The following PDZD2 variants were observed in gnomAD, a reference collection of about 807,000 sequenced individuals.
PDZD2 encodes PDZ domain-containing protein 2.
PDZD2 carries 90 observed loss-of-function variants against 220.7 expected under a neutral mutation model. That is an observed-to-expected ratio of 0.41 (90% CI 0.34 to 0.49). The LOEUF (loss-of-function observed/expected upper bound fraction) is 0.49. Ranked by LOEUF, PDZD2 falls within the 20% of genes least tolerant of loss-of-function variation. The pLI is 0.28. For synonymous variants in PDZD2, 1,375 were observed against 1,450.5 expected (o/e 0.95, Z 1.18); for missense variants, 3,174 against 3,608.5 (o/e 0.88, Z 3.08).
At chr5:31,896,341 T>TGC (rs1301574274) in intron 2 of PDZD2, among the ~76,000 whole-genome samples, 2 of 150,412 alleles carry the variant, frequency 1.3e-5, no homozygotes, top group Admixed American at 1.3e-4. Flanking sequence ...TGTGTGTGTG[T>TGC]GTGTGTGTGT....
chr5:31,787,520 A>G (rs745358499), intron 1 of PDZD2: 1 of 152,198 alleles, frequency 6.6e-6, no homozygotes. Context: ...CCATTTTTAT[A>G]TGGACAGATA....
chr5:32,038,322 G>C (rs1188431648), intron 7 of PDZD2, among the ~76,000 whole-genome samples: 1 of 150,744 alleles, frequency 6.6e-6, no homozygotes, highest in Non-Finnish European at 1.5e-5. Context: ...GAGGTCAGGA[G>C]ATCAAGGCTA....
chr5:32,105,479 C>A (rs185483306), intron 24 of PDZD2, among the ~76,000 whole-genome samples: 112 of 151,980 alleles, frequency 7.4e-4, no homozygotes, highest in Admixed American at 2.9e-3. Flanking sequence ...GCAGTGCTTA[C>A]GAAAATGGAA....
rs546371784 is a variant in PDZD2, at chr5:31,919,737, GCACAGTGGCTCA to G, written c.477-63414_477-63403del. 3.5e-3 allele frequency among the ~76,000 whole-genome samples: 497 copies of G among 141,954 alleles called. 1 individual carries two copies. Among genetic ancestry groups the G allele is most frequent in the African/African-American group, 0.013 (488 of 38,520 alleles). 93.1% of individuals were successfully genotyped at this position (141,954 alleles called of 152,430 possible). ...AAAAAAGGAAAAAAAAAAAGGCCAG[GCACAGTGGCTCA>G]CACCTGTAATCCGGGTTATCGGGGA... On this transcript the variant is annotated intron_variant, in intron 2 of 24. Coordinates refer to ENST00000438447, the MANE Select transcript of PDZD2 (RefSeq NM_178140.4).
chr5:31,969,855 C>T lies in PDZD2; in HGVS notation c.477-13300C>T, dbSNP rs543752930. Among the ~76,000 whole-genome samples the T allele has an allele frequency of 1.7e-3, 262 of 152,174 alleles. 1 individual carries two copies. The highest frequency in any genetic ancestry group is 2.5e-3 in the Non-Finnish European group (170 of 68,012). On this transcript the variant is annotated intron_variant, in intron 2 of 24. Transcript: ENST00000438447. ...CCAGCATTTTTTTGTGGTGCCGCCA[C>T]TGTGCTGGTGCATGAGGGTGCACAG...
intron 1 of PDZD2, among the ~76,000 whole-genome samples, chr5:31,649,544 G>C (rs751695792): frequency 1.3e-5 from 2 of 151,872 alleles, no homozygotes; most frequent in African/African-American, 2.4e-5. Context: ...TGGATCATAC[G>C]CTCCATTAAA....
intron 2 of PDZD2, among the ~76,000 whole-genome samples, chr5:31,827,267 A>G (rs762395496): frequency 6.6e-6 from 1 of 152,212 alleles, no homozygotes; most frequent in Non-Finnish European, 1.5e-5. Flanking sequence ...ATACTCTTCT[A>G]TAAAACATAT....
At chr5:31,789,244 C>T (rs1753562648) in intron 1 of PDZD2, among the ~76,000 whole-genome samples, 1 of 152,178 alleles carries the variant, frequency 6.6e-6, no homozygotes, top group Admixed American at 6.5e-5. Context: ...TCCCTGGATG[C>T]CTCTCCCAAA....
intron 2 of PDZD2, among the ~76,000 whole-genome samples, chr5:31,949,144 T>C (rs1746949455): frequency 6.6e-6 from 1 of 151,298 alleles, no homozygotes. Flanking sequence ...GGCTGGCTTC[T>C]TCTCACCCCC....
At chr5:31,722,245 C>T (rs1748852074) in intron 1 of PDZD2, among the ~76,000 whole-genome samples, 1 of 152,124 alleles carries the variant, frequency 6.6e-6, no homozygotes, top group South Asian at 2.1e-4. Flanking sequence ...ATGAGGCAGC[C>T]CCTCACCACA....
At chr5:31,706,089 G>T (rs894164846) in intron 1 of PDZD2, among the ~76,000 whole-genome samples, 2 of 152,110 alleles carry the variant, frequency 1.3e-5, no homozygotes, top group African/African-American at 2.4e-5. Context: ...CTCTATAAGG[G>T]GAAGGATTAT....
intron 2 of PDZD2, among the ~76,000 whole-genome samples, chr5:31,821,948 G>A (rs2150256096): frequency 1.3e-5 from 2 of 151,502 alleles, no homozygotes; most frequent in East Asian, 3.9e-4. Flanking sequence ...TGCGGTGTTT[G>A]GTTTTCTGTT....
intron 1 of PDZD2, among the ~76,000 whole-genome samples, chr5:31,752,503 C>T (rs534890851): frequency 3.9e-5 from 6 of 152,152 alleles, no homozygotes; most frequent in Non-Finnish European, 7.4e-5. Flanking sequence ...GAGCTGAGAT[C>T]GTGCCACTGC....
intron 15 of PDZD2, among the ~76,000 whole-genome samples, chr5:32,070,346 T>G (rs1349974452): frequency 6.6e-6 from 1 of 152,214 alleles, no homozygotes; most frequent in African/African-American, 2.4e-5. Flanking sequence ...AATACCCTGA[T>G]TATTTACATT....
intron 19 of PDZD2, among the ~76,000 whole-genome samples, chr5:32,086,539 G>A (rs1742465718): frequency 6.6e-6 from 1 of 152,248 alleles, no homozygotes; most frequent in South Asian, 2.1e-4. Flanking sequence ...TCTTCTGCCG[G>A]CTAATCTGAG....
chr5:31,717,745 C>G (rs1372931669), intron 1 of PDZD2, among the ~76,000 whole-genome samples: 1 of 152,210 alleles, frequency 6.6e-6, no homozygotes, highest in East Asian at 1.9e-4. Flanking sequence ...TGAGCACTAA[C>G]TCAGAGCAGC....
intron 2 of PDZD2, among the ~76,000 whole-genome samples, chr5:31,857,771 C>T (rs1580911132): frequency 6.6e-6 from 1 of 152,086 alleles, no homozygotes; most frequent in Admixed American, 6.6e-5. Context: ...GAAACTCTGC[C>T]CTTCCATTCT....
chr5:32,099,602 C>G (rs1382806709), intron 23 of PDZD2: 1 of 152,272 alleles, frequency 6.6e-6, no homozygotes, highest in African/African-American at 2.4e-5. Flanking sequence ...GTCATCAGAT[C>G]TTGTCATGCT....
chr5:32,039,687 G>A (rs1581347654), intron 7 of PDZD2, among the ~76,000 whole-genome samples: 1 of 149,320 alleles, frequency 6.7e-6, no homozygotes, highest in East Asian at 2.0e-4. Flanking sequence ...CATCGTCTGG[G>A]ATGTGAGGAG....
Sources: allele counts gnomAD v4.1 joint callset (sites outside exome capture counted in the v4.1 genomes callset), GRCh38; gene constraint gnomAD v4.1.1; transcripts MANE v1.5; gene names NCBI Gene and HGNC (gene_info 2026-07-23, HGNC 2026-07-21).